RAB18: variants seen among roughly 807,000 people sequenced by gnomAD.
RAB18 encodes RAB18, member RAS oncogene family.
Under a neutral mutation model 28.5 loss-of-function variants are expected in RAB18, and 10 were observed. The observed-to-expected ratio is 0.35, with a 90% CI of 0.22 to 0.60. RAB18 has a LOEUF of 0.60. Among genes scored for constraint, RAB18 ranks in the 20% least tolerant of loss-of-function variants. The probability of loss-of-function intolerance (pLI) is 0.78; values close to 1 mark genes in which losing one functional copy is unlikely to be tolerated. For missense variants in RAB18, 188 were observed against 244.2 expected (o/e 0.77, Z 1.53); for synonymous variants, 93 against 86.9 (o/e 1.07, Z -0.39).
rs182598534 is a variant in RAB18, at chr10:27,504,915, C to T, written c.68+478C>T. The T allele has an allele frequency of 3.3e-4, 174 of 523,562 alleles. 1 individual carries two copies. Among genetic ancestry groups the T allele is most frequent in the African/African-American group, 3.1e-3 (160 of 51,430 alleles). 32.4% of individuals were successfully genotyped at this position (523,562 alleles called of 1,614,324 possible). A position where few individuals can be genotyped will look rare whatever the true frequency, so the allele number is the denominator to read the frequency against. ...ATGTCCTCGGGAAGTTTCGTGACGC[C>T]TTAGGTCCCATTCCTGGCCTGTTTG... On this transcript the variant is annotated intron_variant, in intron 1 of 6. Coordinates refer to ENST00000356940, the MANE Select transcript of RAB18 (RefSeq NM_021252.5).
Position 27,539,538 on chromosome 10 carries a change from C to G in RAB18, c.*1487C>G, listed in dbSNP as rs1053999698. On this transcript the variant is annotated 3_prime_UTR_variant, in exon 7 of 7. Coordinates refer to ENST00000356940, the MANE Select transcript of RAB18 (RefSeq NM_021252.5). ...ATTCTATATGCTTTTACTAAATATACAAGATTTACTACTAGAAATTTGGAG... is the reference window on the plus strand; with the variant it reads ...ATTCTATATGCTTTTACTAAATATAGAAGATTTACTACTAGAAATTTGGAG... The G allele has an allele frequency of 5.8e-5, 23 of 397,406 alleles. No homozygotes were observed. The highest frequency in any genetic ancestry group is 4.0e-4 in the African/African-American group (19 of 47,742). The allele number at this position is 397,406 out of a possible 1,614,324, so 24.6% of individuals were successfully genotyped here. A position where few individuals can be genotyped will look rare whatever the true frequency, so the allele number is the denominator to read the frequency against.
chr10:27,536,849 A>T (rs576803708), intron 6 of RAB18, among the ~76,000 whole-genome samples: 7 of 152,316 alleles, frequency 4.6e-5, no homozygotes, highest in African/African-American at 1.7e-4. Flanking sequence ...ATGAAAGCCT[A>T]ATTAGAGTAG....
At chr10:27,517,304 A>G (rs1834455405) in intron 2 of RAB18, among the ~76,000 whole-genome samples, 1 of 152,108 alleles carries the variant, frequency 6.6e-6, no homozygotes, top group Non-Finnish European at 1.5e-5. Flanking sequence ...CAGAGGTTGC[A>G]GTGAGCCGAG....
chr10:27,521,305 T>G lies in RAB18; in HGVS notation c.125-5523T>G, dbSNP rs186248957. Among the ~76,000 whole-genome samples the G allele has an allele frequency of 4.6e-5, 7 of 152,322 alleles. No individual in the cohort carries two copies. In the East Asian group the frequency reaches 1.3e-3, roughly 29 times the overall value. The stretch of plus-strand genomic sequence containing the variant: ...CTCTAATTGGCCTTCAAACCCTTTG[T>G]TTTCTGTTGATAATATATCTCAGTA... On this transcript the variant is annotated intron_variant, in intron 2 of 6. Transcript: ENST00000356940.
In RAB18 at chr10:27,504,429, C is replaced by G; in HGVS notation, c.60C>G (p.Gly20=). 1 of 1,566,080 alleles carries G rather than the reference C, an allele frequency of 6.4e-7. No individual in the cohort carries two copies. Among genetic ancestry groups the G allele is most frequent in the Middle Eastern group, 1.7e-4 (1 of 5,956 alleles). Residue 20 remains glycine, a synonymous_variant, in exon 1 of 7, where the codon GGC becomes GGG. Transcript: ENST00000356940. ...TCATCATCGGCGAGAGTGGGGTGGG[C>G]AAGTCCAGGTGAGGCGGAGGTGCGG... is the stretch of plus-strand genomic sequence containing the variant. The part of the protein sequence containing the change: ...KILIIGESGV[G]KSSLLLRFTD...
At position 27,542,094 on chromosome 10, in the gene RAB18, A is replaced by G. The variant is rs931206769; in HGVS notation, c.*4043A>G. The G allele has an allele frequency of 2.4e-5, 11 of 453,968 alleles. No homozygotes were observed. Among genetic ancestry groups the G allele is most frequent in the Non-Finnish European group, 4.9e-5 (11 of 226,790 alleles). 28.1% of individuals were successfully genotyped at this position (453,968 alleles called of 1,614,324 possible). ...TTGCTGCAGCTCGTTTTTCTAATAT[A>G]AAGGAACCAGCCTGAGGCAGTACCA... On this transcript the variant is annotated 3_prime_UTR_variant, in exon 7 of 7. Coordinates refer to ENST00000356940, the MANE Select transcript of RAB18 (RefSeq NM_021252.5).
chr10:27,534,234 T>G lies in RAB18; in HGVS notation c.445+240T>G, dbSNP rs147258706. Reference sequence around the variant, plus strand: ...TCAAATCATTCCTCACAGGATATAGTGGCATTCAGTAAAGTTTGGCACCCA... The same window carrying G: ...TCAAATCATTCCTCACAGGATATAGGGGCATTCAGTAAAGTTTGGCACCCA... On this transcript the variant is annotated intron_variant, in intron 6 of 6. Coordinates refer to ENST00000356940, the MANE Select transcript of RAB18 (RefSeq NM_021252.5). Among the ~76,000 whole-genome samples the G allele has an allele frequency of 5.7e-3, 868 of 152,316 alleles. 6 individuals are homozygous for G. Among genetic ancestry groups the G allele is most frequent in the Middle Eastern group, 6.8e-3 (2 of 294 alleles).
intron 2 of RAB18, among the ~76,000 whole-genome samples, chr10:27,521,084 G>A (rs1834543001): frequency 6.6e-6 from 1 of 150,976 alleles, no homozygotes; most frequent in African/African-American, 2.4e-5. Flanking sequence ...TCATTTTCAC[G>A]TATTTGTGAA....
chr10:27,539,693 A>AT lies in RAB18; in HGVS notation c.*1644dup, dbSNP rs1564840488. The stretch of plus-strand genomic sequence containing the variant: ...CCTTGAGCTATATAATAATCTGTGT[A>AT]TTGGATTGTTGTCTTGATTTGGTCT... On this transcript the variant is annotated 3_prime_UTR_variant, in exon 7 of 7. Transcript: ENST00000356940. The AT allele has an allele frequency of 2.0e-5, 9 of 453,274 alleles. No individual in the cohort carries two copies. The highest frequency in any genetic ancestry group is 2.2e-5 in the Non-Finnish European group (5 of 226,502). The allele number at this position is 453,274 out of a possible 1,614,324, so 28.1% of individuals were successfully genotyped here.
chr10:27,530,396 T>G (rs574509832), intron 3 of RAB18, among the ~76,000 whole-genome samples: 25 of 151,874 alleles, frequency 1.6e-4, no homozygotes, highest in African/African-American at 6.0e-4. Context: ...CCAAGGCTTG[T>G]CTTTTCAGTA....
chr10:27,508,921 T>C (rs1425002080), intron 1 of RAB18, among the ~76,000 whole-genome samples: 2 of 152,224 alleles, frequency 1.3e-5, no homozygotes, highest in African/African-American at 2.4e-5. Context: ...GAGAGTCTTA[T>C]ACTTCAGAAG....
At chr10:27,526,420 G>T (rs752035058) in intron 2 of RAB18, among the ~76,000 whole-genome samples, 11 of 152,140 alleles carry the variant, frequency 7.2e-5, no homozygotes, top group Non-Finnish European at 1.5e-4. Context: ...GCAGTGGACA[G>T]CACTCTTAAC....
chr10:27,539,333 G>A lies in RAB18; in HGVS notation c.*1282G>A. 1 of 288,712 alleles carries A rather than the reference G, an allele frequency of 3.5e-6. No homozygotes were observed. 17.9% of individuals were successfully genotyped at this position (288,712 alleles called of 1,614,324 possible). On this transcript the variant is annotated 3_prime_UTR_variant, in exon 7 of 7. Transcript: ENST00000356940. Reference sequence around the variant, plus strand: ...TCCAGTATTAATTTCTGGGCAGTTTGTTCTCTGTATACAATTGCAAATGAT... The same window carrying A: ...TCCAGTATTAATTTCTGGGCAGTTTATTCTCTGTATACAATTGCAAATGAT...
intron 3 of RAB18, 137 bp from the exon 4 acceptor site, chr10:27,532,365 CATCTT>C (rs1834805259): frequency 1.0e-5 from 6 of 593,658 alleles, no homozygotes; most frequent in East Asian, 2.9e-5. Context: ...TAAGCGAACA[CATCTT>C]ATTTAAGTTC....
In RAB18 at chr10:27,540,719, C is replaced by G; in HGVS notation, c.*2668C>G. The G allele has an allele frequency of 2.2e-6, 1 of 454,028 alleles. No homozygotes were observed. Among genetic ancestry groups the G allele is most frequent in the Non-Finnish European group, 4.4e-6 (1 of 226,746 alleles). The allele number at this position is 454,028 out of a possible 1,614,324, so 28.1% of individuals were successfully genotyped here. ...TAGAAATTATGGAAACAGTAATTTG[C>G]TCAAAACTGAAATCTGGGGTGATGT... On this transcript the variant is annotated 3_prime_UTR_variant, in exon 7 of 7. Coordinates refer to ENST00000356940, the MANE Select transcript of RAB18 (RefSeq NM_021252.5).
intron 3 of RAB18, 63 bp from the exon 4 acceptor site, chr10:27,532,444 T>C: frequency 8.0e-7 from 1 of 1,243,762 alleles, no homozygotes; most frequent in South Asian, 1.2e-5. Flanking sequence ...TTTCTACTCT[T>C]AAACTAGTAT....
At chr10:27,532,790 A>G (rs1834814275) in intron 4 of RAB18, among the ~76,000 whole-genome samples, 1 of 152,080 alleles carries the variant, frequency 6.6e-6, no homozygotes, top group Admixed American at 6.5e-5. Context: ...AGGCTAATTT[A>G]TTTGGTTTGA....
intron 1 of RAB18, chr10:27,504,668 TCTC>T (rs1211762652): frequency 2.7e-6 from 2 of 734,482 alleles, no homozygotes; most frequent in Non-Finnish European, 5.1e-6. Context: ...TCTGGGTCGC[TCTC>T]CCTCCTGTAG....
At chr10:27,517,233 C>T (rs919837701) in intron 2 of RAB18, among the ~76,000 whole-genome samples, 5 of 152,002 alleles carry the variant, frequency 3.3e-5, no homozygotes, top group African/African-American at 1.2e-4. Flanking sequence ...CATGGTGGCT[C>T]ACACCTGTAG....
Sources: allele counts gnomAD v4.1 joint callset (sites outside exome capture counted in the v4.1 genomes callset), GRCh38; gene constraint gnomAD v4.1.1; transcripts MANE v1.5; gene names NCBI Gene and HGNC (gene_info 2026-07-23, HGNC 2026-07-21).